Variants in PRCC observed in about 807,000 individuals in gnomAD.
PRCC encodes proline rich mitotic checkpoint control factor.
In PRCC, 10 loss-of-function variants were observed where a neutral mutation model predicts 44.0. The observed-to-expected ratio is 0.23, with a 90% CI of 0.14 to 0.39. PRCC has a LOEUF of 0.39. PRCC is among the 10% of genes least tolerant of loss of function. The probability of loss-of-function intolerance (pLI) is 1.00; values close to 1 mark genes in which losing one functional copy is unlikely to be tolerated. For synonymous variants in PRCC, 278 were observed against 259.5 expected (o/e 1.07, Z -0.69); for missense variants, 573 against 624.7 (o/e 0.92, Z 0.88).
At chr1:156,771,115 AAGGGT>A (rs1399344649) in intron 1 of PRCC, among the ~76,000 whole-genome samples, 1 of 152,128 alleles carries the variant, frequency 6.6e-6, no homozygotes, top group Non-Finnish European at 1.5e-5. Flanking sequence ...AGGCTGAAGA[AAGGGT>A]AGTATGGGAG....
intron 1 of PRCC, among the ~76,000 whole-genome samples, chr1:156,774,610 C>T (rs926491526): frequency 6.6e-5 from 10 of 152,076 alleles, no homozygotes; most frequent in African/African-American, 1.9e-4. Context: ...CCTCAGTCTC[C>T]GCAGTAGCTG....
intron 1 of PRCC, among the ~76,000 whole-genome samples, chr1:156,778,924 C>T (rs376148513): frequency 1.3e-5 from 2 of 150,638 alleles, no homozygotes; most frequent in Non-Finnish European, 3.0e-5. Flanking sequence ...CTTAGCCTCC[C>T]GAGTAGCTGG....
rs763152903 is a variant in PRCC, at chr1:156,767,992, A to G, written c.221A>G (p.Asp74Gly). ...PPLLLPPPTG[D>G]PRLQPPPPLP... ...CTGTTGCTTCCCCCACCCACCGGAG[A>G]CCCCAGGCTTCAGCCTCCTCCCCCC... Residue 74 changes from aspartate (D) to glycine (G), a missense_variant, in exon 1 of 7, where the codon GAC (aspartate) becomes GGC (glycine). Coordinates refer to ENST00000271526, the MANE Select transcript of PRCC (RefSeq NM_005973.5). The G allele has an allele frequency of 6.4e-7, 1 of 1,574,184 alleles. No homozygotes were observed.
At chr1:156,787,923 C>A (rs981887773) in intron 3 of PRCC, among the ~76,000 whole-genome samples, 1 of 152,072 alleles carries the variant, frequency 6.6e-6, no homozygotes. Context: ...CCTCCGCCTC[C>A]CAGGTTCAAG....
chr1:156,779,053 C>T (rs1220111298), intron 1 of PRCC, among the ~76,000 whole-genome samples: 1 of 137,456 alleles, frequency 7.3e-6, no homozygotes, highest in East Asian at 2.1e-4. Flanking sequence ...CCCGCCTCAG[C>T]CTCCCAAAGT....
intron 1 of PRCC, among the ~76,000 whole-genome samples, chr1:156,779,167 TC>T (rs1651956115): frequency 9.5e-6 from 1 of 104,790 alleles, no homozygotes; most frequent in African/African-American, 3.6e-5. Context: ...TTTCTTTTTT[TC>T]TCCTGAGATA....
intron 3 of PRCC, chr1:156,791,330 C>A: frequency 2.0e-6 from 1 of 510,258 alleles, no homozygotes; most frequent in Non-Finnish European, 3.6e-6. Context: ...TCATTGGGGT[C>A]TTATGAGCAG....
Position 156,787,101 on chromosome 1 carries a change from A to G in PRCC, c.1010A>G (p.Lys337Arg). 1 of 1,614,094 alleles carries G rather than the reference A, an allele frequency of 6.2e-7. No homozygotes were observed. The highest frequency in any genetic ancestry group is 8.5e-7 in the Non-Finnish European group (1 of 1,179,960). Residue 337 changes from lysine to arginine, a missense_variant, in exon 3 of 7, where the codon AAG becomes AGG. Physicochemically the swap from Lys to Arg is conservative, Grantham distance 26 (BLOSUM62 2). Coordinates refer to ENST00000271526, the MANE Select transcript of PRCC (RefSeq NM_005973.5). ...TCAAGTGGGGCCCCTTGGATGCCTAAGCCTGGGGACGACTACAGCTACAAT... is the reference window on the plus strand; with the variant it reads ...TCAAGTGGGGCCCCTTGGATGCCTAGGCCTGGGGACGACTACAGCTACAAT... ...AGSSGAPWMP[K>R]PGDDYSYNQF... is the part of the protein sequence containing the mutation.
At position 156,768,016 on chromosome 1, in the gene PRCC, C is replaced by T. The variant is rs764367407; in HGVS notation, c.245C>T (p.Pro82Leu). ...TGDPRLQPPP[P>L]LPFGLGGFPP... ...GACCCCAGGCTTCAGCCTCCTCCCCCCTTGCCCTTCGGCCTGGGAGGCTTC... is the reference window on the plus strand; with the variant it reads ...GACCCCAGGCTTCAGCCTCCTCCCCTCTTGCCCTTCGGCCTGGGAGGCTTC... Residue 82 changes from proline to leucine, a missense_variant, in exon 1 of 7, where the codon CCC (proline) becomes CTC (leucine). Physicochemically the swap from Pro to Leu is moderately conservative, Grantham distance 98 (BLOSUM62 -3). Transcript: ENST00000271526. The T allele has an allele frequency of 3.2e-5, 50 of 1,569,780 alleles. No individual in the cohort carries two copies. The highest frequency in any genetic ancestry group is 4.2e-5 in the Non-Finnish European group (49 of 1,156,334).
intron 3 of PRCC, 94 bp downstream of exon 3, chr1:156,787,268 T>G: frequency 7.4e-7 from 1 of 1,358,462 alleles, no homozygotes; most frequent in Non-Finnish European, 1.0e-6. Flanking sequence ...GTGGTGTCAC[T>G]TTGGCTAAAT....
chr1:156,779,799 C>T (rs745929626), intron 1 of PRCC, among the ~76,000 whole-genome samples: 1 of 151,608 alleles, frequency 6.6e-6, no homozygotes, highest in African/African-American at 2.4e-5. Context: ...CCAGGCTGGT[C>T]TTGAACTCCT....
chr1:156,786,530 G>A, intron 2 of PRCC, 78 bp from the exon 3 acceptor site: 2 of 1,413,102 alleles, frequency 1.4e-6, no homozygotes, highest in South Asian at 2.6e-5. Context: ...ATCTGTAACT[G>A]TTGTTTTTGG....
At chr1:156,791,817 C>T in intron 4 of PRCC, 25 bp downstream of exon 4, 1 of 1,586,160 alleles carries the variant, frequency 6.3e-7, no homozygotes, top group East Asian at 2.2e-5. Context: ...CACAAGTGAC[C>T]ATCTTTGACC....
chr1:156,774,503 A>G (rs975948533), intron 1 of PRCC, among the ~76,000 whole-genome samples: 5 of 142,700 alleles, frequency 3.5e-5, no homozygotes, highest in Non-Finnish European at 7.7e-5. Flanking sequence ...TTTTTTTTCA[A>G]TGAAACAGGG....
intron 1 of PRCC, among the ~76,000 whole-genome samples, chr1:156,778,944 C>T (rs1291911648): frequency 2.0e-5 from 3 of 150,224 alleles, no homozygotes; most frequent in Non-Finnish European, 3.0e-5. Context: ...GGATTATAGG[C>T]GCCTGCCACC....
chr1:156,792,182 T>C (rs1259262512), intron 4 of PRCC, among the ~76,000 whole-genome samples: 2 of 150,524 alleles, frequency 1.3e-5, no homozygotes, highest in African/African-American at 4.9e-5. Context: ...ATTACAGGTA[T>C]GATTTACCAT....
chr1:156,798,297 C>G (rs1652730135), intron 6 of PRCC, among the ~76,000 whole-genome samples: 1 of 151,898 alleles, frequency 6.6e-6, no homozygotes, highest in South Asian at 2.1e-4. Flanking sequence ...GCAGCGATAG[C>G]AACAACTTCA....
chr1:156,775,455 A>G (rs896950575), intron 1 of PRCC, among the ~76,000 whole-genome samples: 3 of 151,446 alleles, frequency 2.0e-5, no homozygotes, highest in African/African-American at 4.9e-5. Context: ...GGCTCAAGCA[A>G]TCCTCCTACC....
intron 3 of PRCC, chr1:156,791,174 T>C (rs771891439): frequency 2.2e-5 from 30 of 1,390,060 alleles, no homozygotes; most frequent in Non-Finnish European, 2.8e-5. Context: ...TAAGTTTCAT[T>C]GTATCCTAAT....
Sources: allele counts gnomAD v4.1 joint callset (sites outside exome capture counted in the v4.1 genomes callset), GRCh38; gene constraint gnomAD v4.1.1; transcripts MANE v1.5; gene names NCBI Gene and HGNC (gene_info 2026-07-23, HGNC 2026-07-21).